The following ADAMTS16 variants were observed in gnomAD, a reference collection of about 807,000 sequenced individuals.
ADAMTS16 encodes the protein ADAM metallopeptidase with thrombospondin type 1 motif 16, also known as A disintegrin and metalloproteinase with thrombospondin motifs 16.
In ADAMTS16, 94 loss-of-function variants were observed where a neutral mutation model predicts 145.8. That is an observed-to-expected ratio of 0.64 (90% CI 0.55 to 0.77). ADAMTS16 has a LOEUF of 0.77. Ranked by LOEUF, ADAMTS16 falls within the 30% of genes least tolerant of loss-of-function variation. The pLI is 0.00. For missense variants in ADAMTS16, 1,585 were observed against 1,591.5 expected (o/e 1.00, Z 0.07); for synonymous variants, 659 against 604.3 (o/e 1.09, Z -1.33).
chr5:5,272,032 G>A (rs1311037774), intron 18 of ADAMTS16, among the ~76,000 whole-genome samples: 1 of 152,134 alleles, frequency 6.6e-6, no homozygotes, highest in Non-Finnish European at 1.5e-5. Flanking sequence ...CAATGAAAAG[G>A]GGGGAGCAAT....
At chr5:5,241,975 G>A (rs1737304095) in intron 16 of ADAMTS16, 78 bp from the exon 17 acceptor site, 1 of 1,487,954 alleles carries the variant, frequency 6.7e-7, no homozygotes, top group Non-Finnish European at 9.2e-7. Context: ...ATTGTTTTAA[G>A]TAGTCTAAAT....
chr5:5,168,603 AAT>A (rs1207322090), intron 3 of ADAMTS16, among the ~76,000 whole-genome samples: 7 of 123,436 alleles, frequency 5.7e-5, no homozygotes, highest in Admixed American at 1.9e-4. Context: ...TATAATATAT[AAT>A]TATATTTTTA....
chr5:5,154,850 T>G (rs2126517244), intron 3 of ADAMTS16, among the ~76,000 whole-genome samples: 1 of 152,274 alleles, frequency 6.6e-6, no homozygotes, highest in African/African-American at 2.4e-5. Context: ...AAGAGATGAC[T>G]TCTTAGTAAT....
intron 10 of ADAMTS16, among the ~76,000 whole-genome samples, chr5:5,209,808 T>C (rs1736226120): frequency 6.6e-6 from 1 of 152,082 alleles, no homozygotes; most frequent in Non-Finnish European, 1.5e-5. Context: ...AAAGGGAAAA[T>C]CGAGATTTAG....
At chr5:5,168,660 T>C (rs1305488872) in intron 3 of ADAMTS16, among the ~76,000 whole-genome samples, 2 of 110,730 alleles carry the variant, frequency 1.8e-5, no homozygotes, top group African/African-American at 3.6e-5. Flanking sequence ...TTATATATTA[T>C]ATTTATATAA....
At chr5:5,193,294 A>C (rs369563963) in intron 8 of ADAMTS16, among the ~76,000 whole-genome samples, 6 of 152,200 alleles carry the variant, frequency 3.9e-5, no homozygotes, top group Middle Eastern at 3.2e-3. Context: ...GAAGCTTCAT[A>C]TCTTATTACT....
At chr5:5,262,575 G>A (rs977266490) in intron 17 of ADAMTS16, 82 bp from the exon 18 acceptor site, 22 of 1,526,992 alleles carry the variant, frequency 1.4e-5, no homozygotes, top group Non-Finnish European at 1.8e-5. Context: ...TTCTTTGAAA[G>A]AGATTTTATT....
At chr5:5,213,033 G>T (rs184667236) in intron 10 of ADAMTS16, among the ~76,000 whole-genome samples, 1 of 152,242 alleles carries the variant, frequency 6.6e-6, no homozygotes, top group Non-Finnish European at 1.5e-5. Flanking sequence ...TGCCCACTTC[G>T]TGCAAAATGC....
chr5:5,154,566 T>C (rs192721203), intron 3 of ADAMTS16, among the ~76,000 whole-genome samples: 2 of 152,326 alleles, frequency 1.3e-5, no homozygotes, highest in Admixed American at 1.3e-4. Context: ...ATAAAATCTA[T>C]GGTTTTGTTC....
At chr5:5,161,221 A>G (rs570368868) in intron 3 of ADAMTS16, among the ~76,000 whole-genome samples, 1 of 152,356 alleles carries the variant, frequency 6.6e-6, no homozygotes, top group South Asian at 2.1e-4. Flanking sequence ...CAGTTTGCAG[A>G]TTCATCCTGT....
At chr5:5,176,980 T>G (rs905467328) in intron 3 of ADAMTS16, among the ~76,000 whole-genome samples, 28 of 152,304 alleles carry the variant, frequency 1.8e-4, no homozygotes, top group African/African-American at 5.5e-4. Context: ...AACTCAACAA[T>G]TCCATCTATG....
Position 5,239,167 on chromosome 5 carries a change from A to G in ADAMTS16, c.2171A>G (p.Asn724Ser), listed in dbSNP as rs780568724. Residue 724 changes from asparagine (N) to serine (S), a missense_variant, in exon 15 of 23, where the codon AAT becomes AGT. Coordinates refer to ENST00000274181, the MANE Select transcript of ADAMTS16 (RefSeq NM_139056.4). ...DGICERVGCD[N>S]VLGSDAVEDV... ...GCCCTCCAGAGAGTTGGATGTGACA[A>G]TGTCCTTGGATCTGATGCTGTTGAA... 1.2e-5 allele frequency: 19 copies of G among 1,568,012 alleles called. No homozygotes were observed. The highest frequency in any genetic ancestry group is 1.2e-4 in the Admixed American group (6 of 51,518).
intron 3 of ADAMTS16, among the ~76,000 whole-genome samples, chr5:5,180,442 G>GAAT (rs1320156313): frequency 6.6e-6 from 1 of 152,144 alleles, no homozygotes; most frequent in East Asian, 1.9e-4. Context: ...TATTTTAAAA[G>GAAT]AATGGATGCA....
intron 9 of ADAMTS16, among the ~76,000 whole-genome samples, chr5:5,204,095 C>T (rs527295672): frequency 6.6e-6 from 1 of 152,142 alleles, no homozygotes; most frequent in South Asian, 2.1e-4. Flanking sequence ...AGAGAAGGAC[C>T]GAGGGAATCA....
Position 5,185,269 on chromosome 5 carries a change from G to T in ADAMTS16, c.764-783G>T, listed in dbSNP as rs560049812. Among the ~76,000 whole-genome samples, 6 of 152,324 alleles carry T rather than the reference G, an allele frequency of 3.9e-5. No individual in the cohort carries two copies. The East Asian group carries it at 1.2e-3, about 29-fold the overall frequency. ...GCTTACAGTATGCTCCGTGAATACA[G>T]TCTGCATAGATTTTGTGTGCATGCC... On this transcript the variant is annotated intron_variant, in intron 4 of 22. Transcript: ENST00000274181.
intron 10 of ADAMTS16, among the ~76,000 whole-genome samples, chr5:5,213,877 C>T (rs77090671): frequency 0.029 from 4,377 of 152,300 alleles, 228 homozygotes; most frequent in African/African-American, 0.1. Context: ...CTGCTCACCC[C>T]TTACCGTTAG....
chr5:5,215,641 G>A (rs1050787778), intron 10 of ADAMTS16, among the ~76,000 whole-genome samples: 14 of 149,674 alleles, frequency 9.4e-5, no homozygotes, highest in African/African-American at 3.0e-4. Flanking sequence ...CAGTCTCATC[G>A]CTCACTGCAA....
At chr5:5,202,568 T>A (rs1735990768) in intron 9 of ADAMTS16, among the ~76,000 whole-genome samples, 1 of 152,216 alleles carries the variant, frequency 6.6e-6, no homozygotes, top group Admixed American at 6.5e-5. Context: ...GTAGAAATTC[T>A]ACTCTGGGTA....
At chr5:5,267,166 C>A (rs2099037) in intron 18 of ADAMTS16, among the ~76,000 whole-genome samples, 42,311 of 151,958 alleles carry the variant, frequency 0.28, 5,951 homozygotes, top group Middle Eastern at 0.37. Flanking sequence ...GGCAGATGGG[C>A]AGGTTGTGGG....
Sources: allele counts gnomAD v4.1 joint callset (sites outside exome capture counted in the v4.1 genomes callset), GRCh38; gene constraint gnomAD v4.1.1; transcripts MANE v1.5; gene names NCBI Gene and HGNC (gene_info 2026-07-23, HGNC 2026-07-21).